The following ISL1 variants were observed in gnomAD, a reference collection of about 807,000 sequenced individuals.
The protein encoded by ISL1 is ISL LIM homeobox 1.
Under a neutral mutation model 35.3 loss-of-function variants are expected in ISL1, and 4 were observed. The ratio of observed to expected loss-of-function variants is 0.11; its 90% confidence interval spans 0.06 to 0.26. The LOEUF (loss-of-function observed/expected upper bound fraction) is 0.26, where lower values mean the gene tolerates loss of function less well. Ranked by LOEUF, ISL1 falls within the 10% of genes least tolerant of loss-of-function variation. The pLI, the probability that ISL1 is intolerant of heterozygous loss-of-function variation, is 1.00. For missense variants in ISL1, 340 were observed against 472.8 expected (o/e 0.72, Z 2.60); for synonymous variants, 186 against 172.3 (o/e 1.08, Z -0.62).
chr5:51,387,671 G>T lies in ISL1; in HGVS notation c.400G>T (p.Asp134Tyr). The T allele has an allele frequency of 6.2e-7, 1 of 1,614,228 alleles. No homozygotes were observed. Among genetic ancestry groups the T allele is most frequent in the African/African-American group, 1.3e-5 (1 of 75,072 alleles). ...EDGLFCRADHDVVERASLGAG... is the reference protein window; with the variant it reads ...EDGLFCRADHYVVERASLGAG... Reference sequence around the variant, plus strand: ...CGGTCTCTTCTGCCGAGCAGACCACGATGTGGTGGAGAGGGCCAGTCTAGG... The same window carrying T: ...CGGTCTCTTCTGCCGAGCAGACCACTATGTGGTGGAGAGGGCCAGTCTAGG... The change falls in exon 3 of 6, where the codon GAT becomes TAT. Residue 134 changes from aspartate (D) to tyrosine (Y), a missense_variant. Physicochemically the swap from Asp to Tyr is radical, Grantham distance 160 (BLOSUM62 -3). Coordinates refer to ENST00000230658, the MANE Select transcript of ISL1 (RefSeq NM_002202.3). This position sits in a 1 kb window ranked among gnomAD's most constrained non-coding sequence, Gnocchi z 4.3.
Position 51,393,620 on chromosome 5 carries a change from A to G in ISL1, c.*10A>G, listed in dbSNP as rs1580731457. ...TCCTATTGAGGCATGAGGAACATTC[A>G]TTCTGTATTTTTTTTCCCTGTTGGA... On this transcript the variant is annotated 3_prime_UTR_variant, in exon 6 of 6. Transcript: ENST00000230658. The G allele has an allele frequency of 2.0e-6, 3 of 1,519,478 alleles. No homozygotes were observed. The highest frequency in any genetic ancestry group is 3.4e-4 in the Middle Eastern group (2 of 5,860). 94.1% of individuals were successfully genotyped at this position (1,519,478 alleles called of 1,614,324 possible). A position where few individuals can be genotyped will look rare whatever the true frequency, so the allele number is the denominator to read the frequency against.
At chr5:51,384,835 A>G (rs1468998276) in intron 2 of ISL1, 105 bp downstream of exon 2, 13 of 1,112,864 alleles carry the variant, frequency 1.2e-5, no homozygotes, top group Middle Eastern at 2.5e-4. Flanking sequence ...AGTTTGCCTC[A>G]GTGTAGTCAT....
intron 2 of ISL1, among the ~76,000 whole-genome samples, chr5:51,386,827 C>T (rs1490185979): frequency 3.9e-5 from 6 of 152,018 alleles, no homozygotes; most frequent in African/African-American, 1.5e-4. Flanking sequence ...ACATTGCTGC[C>T]TGAAGAAAAT....
intron 2 of ISL1, 70 bp downstream of exon 2, chr5:51,384,800 T>A (rs1424914819): frequency 1.4e-6 from 2 of 1,420,916 alleles, no homozygotes; most frequent in African/African-American, 1.4e-5. Flanking sequence ...TATGTATTAT[T>A]TGGTGTGGCT....
At chr5:51,388,074 T>C (rs550350317) in intron 3 of ISL1, among the ~76,000 whole-genome samples, 2 of 152,252 alleles carry the variant, frequency 1.3e-5, no homozygotes, top group Non-Finnish European at 2.9e-5. Flanking sequence ...CTTGGCTTGC[T>C]GAAAACGGGC....
intron 4 of ISL1, 52 bp from the exon 5 acceptor site, chr5:51,391,222 G>C: frequency 6.3e-7 from 1 of 1,591,140 alleles, no homozygotes; most frequent in Non-Finnish European, 8.6e-7. Flanking sequence ...ACAACGGAGG[G>C]AGGGAATTTG....
intron 4 of ISL1, 140 bp downstream of exon 4, chr5:51,390,072 A>G: frequency 1.0e-6 from 1 of 1,000,102 alleles, no homozygotes; most frequent in Non-Finnish European, 1.4e-6. Context: ...CCTCATCCTT[A>G]CCCCCCTACC....
rs57707586 is a variant in ISL1 at position 51,390,642 on chromosome 5, C to CTTTTTTTTTTTTTTTTTTTTTTT, written c.766-616_766-594dup. Among the ~76,000 whole-genome samples, 268 of 40,074 alleles carry CTTTTTTTTTTTTTTTTTTTTTTT rather than the reference C, an allele frequency of 6.7e-3. 14 individuals carry two copies. The highest frequency in any genetic ancestry group is 8.7e-3 in the Non-Finnish European group (185 of 21,214). 26.3% of individuals were successfully genotyped at this position (40,074 alleles called of 152,430 possible). A position where few individuals can be genotyped will look rare whatever the true frequency, so the allele number is the denominator to read the frequency against. ...TCCTTTTTTTCTTTTCTTTCTTTTT[C>CTTTTTTTTTTTTTTTTTTTTTTT]TTTTTTTTTTTTTTTTTTTTTTTTT... On this transcript the variant is annotated intron_variant, in intron 4 of 5. Coordinates refer to ENST00000230658, the MANE Select transcript of ISL1 (RefSeq NM_002202.3).
Position 51,383,653 on chromosome 5 carries a change from A to AT in ISL1, c.-17dup. The AT allele has an allele frequency of 2.5e-6, 4 of 1,601,992 alleles. No individual in the cohort carries two copies. The highest frequency in any genetic ancestry group is 3.4e-6 in the Non-Finnish European group (4 of 1,168,840). On this transcript the variant is annotated 5_prime_UTR_variant, in exon 1 of 6. Coordinates refer to ENST00000230658, the MANE Select transcript of ISL1 (RefSeq NM_002202.3). The stretch of plus-strand genomic sequence containing the variant: ...GTACAACCACCATTTCACTGTGGAC[A>AT]TTACTCCCTCTTACAGATATGGGAG...
intron 4 of ISL1, among the ~76,000 whole-genome samples, chr5:51,390,443 C>T (rs1435211852): frequency 1.3e-5 from 2 of 152,024 alleles, no homozygotes; most frequent in East Asian, 3.9e-4. Context: ...CGCCTTCAGG[C>T]TGGCGAGTTC....
chr5:51,390,016 A>T (rs1747451662), intron 4 of ISL1, 84 bp downstream of exon 4: 2 of 1,480,246 alleles, frequency 1.4e-6, no homozygotes, highest in South Asian at 2.5e-5. Flanking sequence ...GCAGGATCGC[A>T]CGGTTTTCAA....
At chr5:51,386,036 C>T (rs1042729236) in intron 2 of ISL1, among the ~76,000 whole-genome samples, 7 of 151,706 alleles carry the variant, frequency 4.6e-5, no homozygotes, top group African/African-American at 1.7e-4. Flanking sequence ...TAAGGGAAGT[C>T]GGGGTACAGG....
At chr5:51,390,499 AGCCCAGGCCTCCACAGAGG>A (rs1747469915) in intron 4 of ISL1, among the ~76,000 whole-genome samples, 1 of 152,168 alleles carries the variant, frequency 6.6e-6, no homozygotes, top group East Asian at 2.0e-4. Flanking sequence ...CTCCAGGTGA[AGCCCAGGCCTCCACAGAGG>A]CATCAGGCCC....
rs1394788912 is a variant in ISL1 at position 51,389,576 on chromosome 5, A to AGCGC, written c.479-66_479-63dup. ...GGGCGGGCAAGCGAGCGAGCGAGCG[A>AGCGC]GCGCGCGACCGCGGGCGGGCCGGCA... On this transcript the variant is annotated intron_variant, in intron 3 of 5. Coordinates refer to ENST00000230658, the MANE Select transcript of ISL1 (RefSeq NM_002202.3). This position sits in a 1 kb window ranked among gnomAD's most constrained non-coding sequence, Gnocchi z 5.0. 3 of 1,338,262 alleles carry AGCGC rather than the reference A, an allele frequency of 2.2e-6. No homozygotes were observed. The highest frequency in any genetic ancestry group is 1.8e-5 in the South Asian group (1 of 55,840). The allele number at this position is 1,338,262 out of a possible 1,614,324, so 82.9% of individuals were successfully genotyped here. A position where few individuals can be genotyped will look rare whatever the true frequency, so the allele number is the denominator to read the frequency against.
rs368144122 is a variant in ISL1 at position 51,387,781 on chromosome 5, G to T, written c.478+32G>T. The T allele has an allele frequency of 9.3e-6, 15 of 1,610,006 alleles. No individual in the cohort carries two copies. The highest frequency in any genetic ancestry group is 2.2e-5 in the South Asian group (2 of 90,780). On this transcript the variant is annotated intron_variant, in intron 3 of 5. Coordinates refer to ENST00000230658, the MANE Select transcript of ISL1 (RefSeq NM_002202.3). This position sits in a 1 kb window ranked among gnomAD's most constrained non-coding sequence, Gnocchi z 4.3. ...CTCTGCCCGGCTCGGGTAGGCAGGCGCCAGGTTAAGCCAGCCTGTGTGCCA... is the reference window on the plus strand; with the variant it reads ...CTCTGCCCGGCTCGGGTAGGCAGGCTCCAGGTTAAGCCAGCCTGTGTGCCA...
Position 51,387,858 on chromosome 5 carries a change from A to C in ISL1, c.478+109A>C, listed in dbSNP as rs1468693819. ...AGGGGTGGTCGTAGTGTTTGCCTGC[A>C]GTTAAATGAAGTGTTCTGTATGCAA... On this transcript the variant is annotated intron_variant, in intron 3 of 5. Transcript: ENST00000230658. The surrounding 1 kb of genome is among the most constrained non-coding windows in gnomAD (Gnocchi z 4.3). 7.2e-6 allele frequency: 10 copies of C among 1,383,710 alleles called. No homozygotes were observed. The highest frequency in any genetic ancestry group is 9.0e-6 in the Non-Finnish European group (9 of 1,004,694). The allele number at this position is 1,383,710 out of a possible 1,614,324, so 85.7% of individuals were successfully genotyped here.
chr5:51,387,896 T>G lies in ISL1; in HGVS notation c.478+147T>G. 1 of 1,069,248 alleles carries G rather than the reference T, an allele frequency of 9.4e-7. No individual in the cohort carries two copies. The highest frequency in any genetic ancestry group is 1.4e-6 in the Non-Finnish European group (1 of 732,854). The allele number at this position is 1,069,248 out of a possible 1,614,324, so 66.2% of individuals were successfully genotyped here. On this transcript the variant is annotated intron_variant, in intron 3 of 5. Coordinates refer to ENST00000230658, the MANE Select transcript of ISL1 (RefSeq NM_002202.3). The surrounding 1 kb of genome is among the most constrained non-coding windows in gnomAD (Gnocchi z 4.3). ...GTTCTGTATGCAATTTGCGCTGTGC[T>G]CTGCTCCTTTGCAGCAAGGTTCAAT...
At chr5:51,391,129 G>T in intron 4 of ISL1, 145 bp from the exon 5 acceptor site, 1 of 736,774 alleles carries the variant, frequency 1.4e-6, no homozygotes, top group South Asian at 1.9e-5. Flanking sequence ...ACTAATATCC[G>T]TAGGTACGGC....
intron 4 of ISL1, among the ~76,000 whole-genome samples, chr5:51,390,176 C>A (rs1255084613): frequency 2.0e-5 from 3 of 152,150 alleles, no homozygotes; most frequent in African/African-American, 7.2e-5. Context: ...CATCCAGGTC[C>A]CAACCTCGTG....
Sources: gnomAD v4.1 joint callset for allele counts (sites outside exome capture counted in the v4.1 genomes callset) on GRCh38, gnomAD v4.1.1 for gene constraint, Gnocchi (gnomAD v3.1) non-coding constraint, MANE v1.5 for transcripts, NCBI Gene and HGNC (gene_info 2026-07-23, HGNC 2026-07-21) for gene names.